P3H2: variants seen among roughly 807,000 people sequenced by gnomAD.
P3H2 encodes the protein prolyl 3-hydroxylase 2.
In P3H2, 80 loss-of-function variants were observed where a neutral mutation model predicts 87.0. That is an observed-to-expected ratio of 0.92 (90% CI 0.77 to 1.11). The LOEUF (loss-of-function observed/expected upper bound fraction) is 1.11, where lower values mean the gene tolerates loss of function less well. Ranked by LOEUF, P3H2 falls within the 50% of genes least tolerant of loss-of-function variation. P3H2 has a pLI of 0.00. For missense variants in P3H2, 1,001 were observed against 923.9 expected (o/e 1.08, Z -1.08); for synonymous variants, 367 against 359.3 (o/e 1.02, Z -0.24).
intron 1 of P3H2, among the ~76,000 whole-genome samples, chr3:190,110,944 T>C (rs1187887749): frequency 2.0e-5 from 3 of 152,246 alleles, no homozygotes; most frequent in African/African-American, 4.8e-5. Flanking sequence ...TTTCCTGTTA[T>C]GTGCTCAAAA....
intron 1 of P3H2, among the ~76,000 whole-genome samples, chr3:190,114,466 T>G (rs1354280769): frequency 2.0e-5 from 3 of 152,200 alleles, no homozygotes; most frequent in South Asian, 2.1e-4. Flanking sequence ...GATTACAGGC[T>G]TGAACCACCA....
chr3:190,116,711 G>A (rs748593931), intron 1 of P3H2: 3 of 152,180 alleles, frequency 2.0e-5, no homozygotes, highest in Non-Finnish European at 4.4e-5. Context: ...AGGTTTCTGA[G>A]CAGAGAATGC....
At chr3:190,004,568 G>C (rs1724325724) in intron 1 of P3H2, among the ~76,000 whole-genome samples, 1 of 151,874 alleles carries the variant, frequency 6.6e-6, no homozygotes, top group African/African-American at 2.4e-5. Context: ...ATTTTTAGTA[G>C]AGACGGGGTT....
At chr3:190,066,251 AAT>A (rs972411536) in intron 1 of P3H2, among the ~76,000 whole-genome samples, 2 of 151,370 alleles carry the variant, frequency 1.3e-5, no homozygotes, top group East Asian at 1.9e-4. Context: ...TATATGATGG[AAT>A]ATATATATAT....
intron 1 of P3H2, among the ~76,000 whole-genome samples, chr3:190,114,886 A>T (rs2108525903): frequency 6.6e-6 from 1 of 152,380 alleles, no homozygotes; most frequent in East Asian, 1.9e-4. Context: ...GGTAAAAATA[A>T]TTTAAATATG....
intron 1 of P3H2, among the ~76,000 whole-genome samples, chr3:190,052,689 GTATA>G (rs112938637): frequency 1.3e-5 from 2 of 148,428 alleles, no homozygotes; most frequent in African/African-American, 2.5e-5. Context: ...GTGTGTGTGT[GTATA>G]TATATATATA....
intron 13 of P3H2, among the ~76,000 whole-genome samples, chr3:189,968,598 G>T (rs1332461455): frequency 3.3e-5 from 5 of 152,046 alleles, no homozygotes; most frequent in Admixed American, 2.0e-4. Flanking sequence ...ATAATCCTTT[G>T]GGTATATACC....
At chr3:190,007,255 C>T (rs1337537443) in intron 1 of P3H2, among the ~76,000 whole-genome samples, 3 of 152,154 alleles carry the variant, frequency 2.0e-5, no homozygotes, top group Admixed American at 1.3e-4. Flanking sequence ...TTGTACTTCT[C>T]TTTCTCATAT....
intron 1 of P3H2, among the ~76,000 whole-genome samples, chr3:189,995,716 G>A (rs926390615): frequency 1.3e-5 from 2 of 151,748 alleles, no homozygotes; most frequent in African/African-American, 4.8e-5. Context: ...TCCAAAAGGG[G>A]TTAATATCTA....
chr3:190,004,735 C>T (rs1428689524), intron 1 of P3H2, among the ~76,000 whole-genome samples: 3 of 152,126 alleles, frequency 2.0e-5, no homozygotes, highest in African/African-American at 7.2e-5. Context: ...CAGAGTTCCC[C>T]TTAATGAACT....
chr3:190,041,417 C>T (rs2693032), intron 1 of P3H2, among the ~76,000 whole-genome samples: 94,037 of 151,644 alleles, frequency 0.62, 29,951 homozygotes, highest in Admixed American at 0.73. Flanking sequence ...AAAACTTTAC[C>T]GCCTACTCAG....
chr3:190,100,256 C>CT (rs1365370960), intron 1 of P3H2, among the ~76,000 whole-genome samples: 1 of 138,052 alleles, frequency 7.2e-6, no homozygotes, highest in Non-Finnish European at 1.6e-5. Context: ...CGCCGCCCCC[C>CT]CCCCCAAAAA....
intron 1 of P3H2, among the ~76,000 whole-genome samples, chr3:190,003,827 G>A (rs1313182930): frequency 2.0e-5 from 3 of 152,240 alleles, no homozygotes; most frequent in Non-Finnish European, 4.4e-5. Context: ...CCCTTGAGGT[G>A]TCAGATGATG....
At chr3:190,100,417 A>C (rs1009375747) in intron 1 of P3H2, among the ~76,000 whole-genome samples, 1 of 152,288 alleles carries the variant, frequency 6.6e-6, no homozygotes, top group Admixed American at 6.5e-5. Flanking sequence ...TAAAATGAGG[A>C]GTGAACAACT....
intron 1 of P3H2, among the ~76,000 whole-genome samples, chr3:190,015,561 T>G (rs920299120): frequency 6.6e-6 from 1 of 152,080 alleles, no homozygotes; most frequent in African/African-American, 2.4e-5. Context: ...ACTTTTTTTG[T>G]CTCCCTCAAT....
In P3H2 at chr3:189,995,556, G is replaced by T. The variant is rs200630585; in HGVS notation, c.481-114C>A. ...TTTAAGAATGAAACTAGGAGCCTTG[G>T]TTTTTTTTTTTTTTATCAGACAGGC... is the stretch of plus-strand genomic sequence containing the variant. On this transcript the variant is annotated intron_variant, in intron 1 of 14. Coordinates refer to ENST00000319332, the MANE Select transcript of P3H2 (RefSeq NM_018192.4). The T allele has an allele frequency of 1.3e-4, 111 of 839,698 alleles. 1 individual carries two copies. Among genetic ancestry groups the T allele is most frequent in the South Asian group, 3.4e-4 (20 of 59,268 alleles). 52.0% of individuals were successfully genotyped at this position (839,698 alleles called of 1,614,324 possible).
chr3:190,051,063 C>T (rs570245461), intron 1 of P3H2, among the ~76,000 whole-genome samples: 47 of 152,184 alleles, frequency 3.1e-4, no homozygotes, highest in African/African-American at 6.0e-4. Flanking sequence ...ATAGGTAGTG[C>T]AGGTCTTGTT....
intron 8 of P3H2, among the ~76,000 whole-genome samples, chr3:189,975,585 A>G (rs559263552): frequency 6.6e-6 from 1 of 152,326 alleles, no homozygotes; most frequent in Non-Finnish European, 1.5e-5. Flanking sequence ...GTCCATAGCA[A>G]CAGCCGAAGA....
At chr3:189,987,246 G>A (rs147552528) in intron 5 of P3H2, among the ~76,000 whole-genome samples, 1,647 of 152,076 alleles carry the variant, frequency 0.011, 20 homozygotes, top group African/African-American at 0.033. Flanking sequence ...AGGACGAGGC[G>A]GGCAGATCAC....
Sources: gnomAD v4.1 joint callset for allele counts (sites outside exome capture counted in the v4.1 genomes callset) on GRCh38, gnomAD v4.1.1 for gene constraint, MANE v1.5 for transcripts, NCBI Gene and HGNC (gene_info 2026-07-23, HGNC 2026-07-21) for gene names.